Variants in MAP3K1 observed in about 807,000 individuals in gnomAD.
The protein encoded by MAP3K1 is MAP/ERK kinase kinase 1.
In MAP3K1, 36 loss-of-function variants were observed where a neutral mutation model predicts 144.2. The ratio of observed to expected loss-of-function variants is 0.25; its 90% CI spans 0.19 to 0.33. The LOEUF is 0.33. Ranked by LOEUF, MAP3K1 falls within the 10% of genes least tolerant of loss-of-function variation. The pLI is 1.00. For missense variants in MAP3K1, 1,650 were observed against 1,881.9 expected, an observed-to-expected ratio of 0.88 and a Z score of 2.28; for synonymous variants, 718 against 688.7, an observed-to-expected ratio of 1.04 and a Z score of -0.67.
At chr5:56,867,743 A>G (rs1186612358) in intron 6 of MAP3K1, among the ~76,000 whole-genome samples, 1 of 152,196 alleles carries the variant, frequency 6.6e-6, no homozygotes, top group Non-Finnish European at 1.5e-5. Flanking sequence ...TTGATCCAGT[A>G]AATGTTCTTC....
At chr5:56,883,018 GTC>G in intron 14 of MAP3K1, 152 bp downstream of exon 14, 1 of 661,566 alleles carries the variant, frequency 1.5e-6, no homozygotes, top group South Asian at 1.9e-5. Flanking sequence ...GCAAGACCCT[GTC>G]TCTACAAAAA....
intron 6 of MAP3K1, among the ~76,000 whole-genome samples, chr5:56,866,439 A>T (rs537504716): frequency 6.7e-6 from 1 of 148,956 alleles, no homozygotes; most frequent in African/African-American, 2.4e-5. Flanking sequence ...GTATGTCTGT[A>T]TGTATGTATG....
intron 1 of MAP3K1, among the ~76,000 whole-genome samples, chr5:56,818,527 C>T (rs1023389007): frequency 6.6e-6 from 1 of 151,844 alleles, no homozygotes; most frequent in Admixed American, 6.6e-5. Context: ...AAATAATACT[C>T]GTATTTAAAT....
rs532656138 is a variant in MAP3K1 at position 56,845,788 on chromosome 5, G to A, written c.483-10812G>A. Among the ~76,000 whole-genome samples the A allele has an allele frequency of 1.6e-4, 25 of 152,330 alleles. 1 individual carries two copies. Among genetic ancestry groups the A allele is most frequent in the Admixed American group, 5.2e-4 (8 of 15,304 alleles). On this transcript the variant is annotated intron_variant, in intron 1 of 19. Transcript: ENST00000399503. ...GACACAACAAAGGAAAGAATAAACA[G>A]TGGAATTTTTAGCGCAGAATGTCAA...
intron 1 of MAP3K1, among the ~76,000 whole-genome samples, chr5:56,837,776 T>C (rs1235528236): frequency 2.0e-5 from 3 of 152,208 alleles, no homozygotes; most frequent in African/African-American, 7.2e-5. Context: ...ATTTCCGTCC[T>C]CACGGATCTC....
chr5:56,851,475 C>T (rs187452408), intron 1 of MAP3K1, among the ~76,000 whole-genome samples: 7 of 152,272 alleles, frequency 4.6e-5, no homozygotes, highest in Non-Finnish European at 1.0e-4. Flanking sequence ...TGGCTGTCAT[C>T]ATCTAACAGC....
chr5:56,888,470 AGTCTG>A, intron 19 of MAP3K1, 113 bp downstream of exon 19: 2 of 905,116 alleles, frequency 2.2e-6, no homozygotes, highest in Non-Finnish European at 3.6e-6. Context: ...GTAAATAAAT[AGTCTG>A]TATATTTATT....
intron 1 of MAP3K1, among the ~76,000 whole-genome samples, chr5:56,840,656 G>A (rs1746784186): frequency 6.6e-6 from 1 of 152,078 alleles, no homozygotes; most frequent in Admixed American, 6.5e-5. Flanking sequence ...AAGCGTATCT[G>A]ATACCATTAT....
At chr5:56,857,365 G>A (rs1747373359) in intron 2 of MAP3K1, among the ~76,000 whole-genome samples, 1 of 152,058 alleles carries the variant, frequency 6.6e-6, no homozygotes, top group African/African-American at 2.4e-5. Flanking sequence ...TCTGTCCTTT[G>A]CTATAGGTAT....
intron 1 of MAP3K1, among the ~76,000 whole-genome samples, chr5:56,844,183 G>GTTTTTTTTTTT (rs770169813): frequency 9.7e-4 from 74 of 76,106 alleles, no homozygotes; most frequent in Non-Finnish European, 1.4e-3. Context: ...GTTTTTTTTG[G>GTTTTTTTTTTT]TTTTTTTTTT....
intron 1 of MAP3K1, among the ~76,000 whole-genome samples, chr5:56,825,871 C>T (rs1392680062): frequency 6.6e-6 from 1 of 152,142 alleles, no homozygotes; most frequent in Middle Eastern, 3.2e-3. Flanking sequence ...ACCCTTAGGA[C>T]TCAGGCTTCT....
At chr5:56,872,309 T>C (rs1211493437) in intron 7 of MAP3K1, among the ~76,000 whole-genome samples, 15 of 152,102 alleles carry the variant, frequency 9.9e-5, no homozygotes, top group Admixed American at 9.8e-4. Context: ...CTGGAAGGTA[T>C]ACATGAAGGG....
intron 1 of MAP3K1, among the ~76,000 whole-genome samples, chr5:56,856,231 T>C (rs1747340208): frequency 6.6e-6 from 1 of 152,256 alleles, no homozygotes; most frequent in South Asian, 2.1e-4. Context: ...CACCAGATTC[T>C]ATCTGTATTG....
rs199985393 is a variant in MAP3K1 at position 56,872,719 on chromosome 5, A to G, written c.1502A>G (p.Tyr501Cys). Residue 501 changes from tyrosine to cysteine, a missense_variant, in exon 8 of 20, where the codon TAC becomes TGC. By Grantham distance (194) the Tyr-to-Cys change is radical. Around this residue, in one of 6 missense-constraint regions of MAP3K1, gnomAD observed 841 missense variants for 886.5 expected, o/e 0.95. Coordinates refer to ENST00000399503, the MANE Select transcript of MAP3K1 (RefSeq NM_005921.2). ...CRSKWRSHDF[Y>C]SHELSSPVDS... The stretch of plus-strand genomic sequence containing the variant: ...TCTAAGTGGAGATCTCATGATTTCT[A>G]CAGGTAATAATTTTGAAATGATACG... 6.2e-7 allele frequency: 1 copy of G among 1,600,386 alleles called. No individual in the cohort carries two copies. The highest frequency in any genetic ancestry group is 8.6e-7 in the Non-Finnish European group (1 of 1,168,060).
At chr5:56,887,543 A>G in intron 18 of MAP3K1, 23 bp downstream of exon 18, 1 of 1,613,744 alleles carries the variant, frequency 6.2e-7, no homozygotes, top group Non-Finnish European at 8.5e-7. Flanking sequence ...TTTGAGTGTG[A>G]TGACAGAAAA....
At chr5:56,844,191 T>TTG (rs1236908940) in intron 1 of MAP3K1, among the ~76,000 whole-genome samples, 1 of 133,842 alleles carries the variant, frequency 7.5e-6, no homozygotes, top group Admixed American at 7.3e-5. Flanking sequence ...TGGTTTTTTT[T>TTG]TTTTTTTTTT....
chr5:56,864,091 C>T lies in MAP3K1; in HGVS notation c.835-643C>T, dbSNP rs1200138288. On this transcript the variant is annotated intron_variant, in intron 3 of 19. Coordinates refer to ENST00000399503, the MANE Select transcript of MAP3K1 (RefSeq NM_005921.2). Reference sequence around the variant, plus strand: ...TTTACTACTAGACACAGCATTCTGCCTGCTTATGATATATACTTTCTATGC... The same window carrying T: ...TTTACTACTAGACACAGCATTCTGCTTGCTTATGATATATACTTTCTATGC... Among the ~76,000 whole-genome samples, 4 of 152,150 alleles carry T rather than the reference C, an allele frequency of 2.6e-5. No homozygotes were observed. In the East Asian group the frequency reaches 7.7e-4, roughly 29 times the overall value.
intron 1 of MAP3K1, among the ~76,000 whole-genome samples, chr5:56,825,367 A>C (rs1746280330): frequency 6.6e-6 from 1 of 152,202 alleles, no homozygotes; most frequent in African/African-American, 2.4e-5. Context: ...ATTGAAGGAA[A>C]GCTAGTCTTT....
Position 56,881,888 on chromosome 5 carries a change from C to G in MAP3K1, c.2688C>G (p.Thr896=). The G allele has an allele frequency of 6.2e-7, 1 of 1,614,078 alleles. No homozygotes were observed. Among genetic ancestry groups the G allele is most frequent in the Non-Finnish European group, 8.5e-7 (1 of 1,180,020 alleles). The change falls in exon 14 of 20, where the codon ACC becomes ACG. Residue 896 remains threonine (T), a synonymous_variant. Coordinates refer to ENST00000399503, the MANE Select transcript of MAP3K1 (RefSeq NM_005921.2). ...QASVPNNYLE[T]TENSSPECTV... ...CTGTTCCCAACAACTATCTGGAAAC[C>G]ACAGAGAACAGTTCCCCTGAGTGCA... is the stretch of plus-strand genomic sequence containing the variant.
Sources: allele counts gnomAD v4.1 joint callset (sites outside exome capture counted in the v4.1 genomes callset), GRCh38; gene constraint gnomAD v4.1.1; regional missense constraint gnomAD v4.1.1; transcripts MANE v1.5; gene names NCBI Gene and HGNC (gene_info 2026-07-23, HGNC 2026-07-21).